CARF: variants seen among roughly 807,000 people sequenced by gnomAD.
CARF encodes the protein calcium responsive transcription factor, also known as calcium-responsive transcription factor.
A neutral mutation model predicts 82.0 loss-of-function variants in CARF; 57 were observed. The observed-to-expected ratio is 0.70, with a 90% CI of 0.56 to 0.87. The LOEUF is 0.87. CARF is among the 40% of genes least tolerant of loss of function. The pLI is 0.00. For missense variants in CARF, 771 were observed against 855.8 expected (o/e 0.90, Z 1.24); for synonymous variants, 268 against 290.1 (o/e 0.92, Z 0.77).
At chr2:202,952,529 A>ATTTGATT (rs1455211942) in intron 5 of CARF, 30 bp from the exon 6 acceptor site, 1 of 1,595,608 alleles carries the variant, frequency 6.3e-7, no homozygotes, top group African/African-American at 1.3e-5. Flanking sequence ...AGGCATATGC[A>ATTTGATT]TTTGATTTTT....
At chr2:202,927,907 C>A (rs1216398940) in intron 3 of CARF, among the ~76,000 whole-genome samples, 1 of 151,594 alleles carries the variant, frequency 6.6e-6, no homozygotes, top group Non-Finnish European at 1.5e-5. Context: ...TTCAAGCAAT[C>A]CTCACCTAAG....
At chr2:202,957,059 GATTA>G (rs2059085151) in intron 8 of CARF, among the ~76,000 whole-genome samples, 2 of 152,108 alleles carry the variant, frequency 1.3e-5, no homozygotes, top group South Asian at 4.1e-4. Flanking sequence ...AAAGTGCTGG[GATTA>G]CAGGCATGAG....
At position 202,981,686 on chromosome 2, in the gene CARF, G is replaced by C. The variant is rs2060270161; in HGVS notation, c.1689+1G>C. On this transcript the variant is annotated splice_donor_variant, in intron 15 of 16. Coordinates refer to ENST00000438828, the MANE Select transcript of CARF (RefSeq NM_024744.17). LOFTEE classifies it high-confidence loss of function. ...GCCCAAAATATTTACACAACTACAG[G>C]TAGGTATCCAGTAAAATATCCAAAT... 6.2e-7 allele frequency: 1 copy of C among 1,608,022 alleles called. No individual in the cohort carries two copies. Among genetic ancestry groups the C allele is most frequent in the Non-Finnish European group, 8.5e-7 (1 of 1,177,380 alleles).
At chr2:202,956,020 A>C (rs977823827) in intron 8 of CARF, among the ~76,000 whole-genome samples, 2 of 151,304 alleles carry the variant, frequency 1.3e-5, no homozygotes, top group Non-Finnish European at 2.9e-5. Context: ...AAACTTCACT[A>C]TCATGTTTCT....
Position 202,981,974 on chromosome 2 carries a change from T to C in CARF, c.1690-98T>C, listed in dbSNP as rs2060280711. ...TAATTATTTTTAACCATACTCTTTT[T>C]ATTTGTTCGGATTTTTTGTCAAAAG... On this transcript the variant is annotated intron_variant, in intron 15 of 16. Transcript: ENST00000438828. The C allele has an allele frequency of 2.3e-6, 3 of 1,297,894 alleles. No homozygotes were observed. The South Asian group carries it at 4.1e-5, about 18-fold the overall frequency. The allele number at this position is 1,297,894 out of a possible 1,614,324, so 80.4% of individuals were successfully genotyped here.
intron 5 of CARF, among the ~76,000 whole-genome samples, chr2:202,947,288 A>G (rs906152577): frequency 1.3e-5 from 2 of 152,242 alleles, no homozygotes; most frequent in African/African-American, 4.8e-5. Context: ...ATGGAACACT[A>G]TGTAGCCATA....
chr2:202,961,260 C>T lies in CARF; in HGVS notation c.666C>T (p.Gly222=), dbSNP rs1275254642. ...AGAAAATTGGAGATTCATACCGTGGCTACTGTGTAAGTGAGACTGAATTAG... is the reference window on the plus strand; with the variant it reads ...AGAAAATTGGAGATTCATACCGTGGTTACTGTGTAAGTGAGACTGAATTAG... ...SCEKIGDSYR[G]YCVSETELES... is the part of the protein sequence containing the mutation. Residue 222 remains glycine (G), a synonymous_variant, in exon 9 of 17, where the codon GGC becomes GGT. Coordinates refer to ENST00000438828, the MANE Select transcript of CARF (RefSeq NM_024744.17). 2 of 1,610,092 alleles carry T rather than the reference C, an allele frequency of 1.2e-6. No homozygotes were observed. The highest frequency in any genetic ancestry group is 1.1e-5 in the South Asian group (1 of 90,408).
chr2:202,949,449 A>G (rs2058653785), intron 5 of CARF, among the ~76,000 whole-genome samples: 1 of 151,696 alleles, frequency 6.6e-6, no homozygotes, highest in African/African-American at 2.4e-5. Flanking sequence ...TGCCACTGCC[A>G]TCAGCCAAAT....
At chr2:202,940,332 C>T (rs1316436095) in intron 3 of CARF, among the ~76,000 whole-genome samples, 1 of 152,038 alleles carries the variant, frequency 6.6e-6, no homozygotes, top group Non-Finnish European at 1.5e-5. Context: ...CTGTGCCCAG[C>T]CTGTTTTTTT....
intron 6 of CARF, among the ~76,000 whole-genome samples, chr2:202,952,887 T>C (rs1438201006): frequency 6.6e-6 from 1 of 152,228 alleles, no homozygotes; most frequent in African/African-American, 2.4e-5. Context: ...TTAAGAATTC[T>C]ATGAAGCTGA....
intron 1 of CARF, among the ~76,000 whole-genome samples, chr2:202,913,332 A>G (rs1372510468): frequency 8.5e-5 from 13 of 152,236 alleles, no homozygotes; most frequent in Non-Finnish European, 1.5e-4. Flanking sequence ...CCCTGGAACC[A>G]GAATTCCTGG....
intron 1 of CARF, among the ~76,000 whole-genome samples, chr2:202,914,988 T>TTGG (rs1028624863): frequency 1.3e-5 from 2 of 151,858 alleles, no homozygotes; most frequent in Non-Finnish European, 2.9e-5. Flanking sequence ...GGAGGGTTTT[T>TTGG]TGGTGGTGGT....
intron 14 of CARF, among the ~76,000 whole-genome samples, chr2:202,980,616 G>GTATATATATATATATATATATATATATA: frequency 2.3e-5 from 1 of 42,664 alleles, no homozygotes; most frequent in Non-Finnish European, 4.3e-5. Flanking sequence ...CGTCTTTCAA[G>GTATATATATATATATATATATATATATA]TATATATATA....
In CARF at chr2:202,952,691, C is replaced by T. The variant is rs748806146; in HGVS notation, c.427+12C>T. 18 of 1,605,078 alleles carry T rather than the reference C, an allele frequency of 1.1e-5. No homozygotes were observed. In the East Asian group the frequency reaches 1.8e-4, roughly 16 times the overall value. On this transcript the variant is annotated intron_variant, in intron 6 of 16. Transcript: ENST00000438828. ...GAATAGTCCTCGGGGTGAGTAACAA[C>T]GGGATATAGGGGATTTGAGAGTGTT...
rs569406047 is a variant in CARF, at chr2:202,984,884, T to G, written c.*1260T>G. The G allele has an allele frequency of 1.3e-5, 2 of 152,126 alleles. No homozygotes were observed. Among genetic ancestry groups the G allele is most frequent in the African/African-American group, 2.4e-5 (1 of 41,476 alleles). 9.4% of individuals were successfully genotyped at this position (152,126 alleles called of 1,614,324 possible). On this transcript the variant is annotated 3_prime_UTR_variant, in exon 17 of 17. Coordinates refer to ENST00000438828, the MANE Select transcript of CARF (RefSeq NM_024744.17). Reference sequence around the variant, plus strand: ...CAGCCTGGCCAACGTGGTGAAACCCTGTTTCTACTAAAAATACAAAAATTA... The same window carrying G: ...CAGCCTGGCCAACGTGGTGAAACCCGGTTTCTACTAAAAATACAAAAATTA...
At chr2:202,960,538 CTG>C (rs2059265367) in intron 8 of CARF, among the ~76,000 whole-genome samples, 1 of 152,198 alleles carries the variant, frequency 6.6e-6, no homozygotes, top group Non-Finnish European at 1.5e-5. Context: ...ACATGAGCCA[CTG>C]TGCCCGGCCT....
intron 13 of CARF, among the ~76,000 whole-genome samples, chr2:202,975,989 G>C (rs2060008180): frequency 6.6e-6 from 1 of 151,930 alleles, no homozygotes; most frequent in African/African-American, 2.4e-5. Flanking sequence ...AGGTTGCAGT[G>C]AGCCATGATC....
chr2:202,948,552 A>T lies in CARF; in HGVS notation c.307-4007A>T, dbSNP rs1306573710. Reference sequence around the variant, plus strand: ...ATTTGAGCAGTCTTTTGTAATTCTTATGGTAGAGATCTTTCACCTTCTTGT... The same window carrying T: ...ATTTGAGCAGTCTTTTGTAATTCTTTTGGTAGAGATCTTTCACCTTCTTGT... On this transcript the variant is annotated intron_variant, in intron 5 of 16. Coordinates refer to ENST00000438828, the MANE Select transcript of CARF (RefSeq NM_024744.17). Among the ~76,000 whole-genome samples, 9 of 151,800 alleles carry T rather than the reference A, an allele frequency of 5.9e-5. No homozygotes were observed. The East Asian group carries it at 1.5e-3, about 26-fold the overall frequency.
intron 15 of CARF, 65 bp downstream of exon 15, chr2:202,981,750 TCTC>T: frequency 2.2e-6 from 3 of 1,368,438 alleles, no homozygotes; most frequent in Non-Finnish European, 3.1e-6. Context: ...TACCTCTTCT[TCTC>T]CTAGGGATTT....
Sources: gnomAD v4.1 joint callset for allele counts (sites outside exome capture counted in the v4.1 genomes callset) on GRCh38, gnomAD v4.1.1 for gene constraint, MANE v1.5 for transcripts, NCBI Gene and HGNC (gene_info 2026-07-23, HGNC 2026-07-21) for gene names.